Variants in ERICH3 observed in about 807,000 individuals in gnomAD.
The protein encoded by ERICH3 is glutamate rich 3, also known as glutamate-rich protein 3.
Under a neutral mutation model 131.1 loss-of-function variants are expected in ERICH3, and 126 were observed. The ratio of observed to expected loss-of-function variants is 0.96; its 90% CI spans 0.83 to 1.11. ERICH3 has a LOEUF of 1.11. ERICH3 is among the 50% of genes most tolerant of loss of function. The pLI is 0.00. For synonymous variants in ERICH3, 695 were observed against 644.6 expected, an observed-to-expected ratio of 1.08 and a Z score of -1.18; for missense variants, 2,050 against 1,810.7, an observed-to-expected ratio of 1.13 and a Z score of -2.40.
chr1:74,670,423 C>G (rs1646730395), intron 1 of ERICH3, among the ~76,000 whole-genome samples: 2 of 152,190 alleles, frequency 1.3e-5, no homozygotes, highest in African/African-American at 2.4e-5. Flanking sequence ...AATGCTACCT[C>G]TAGAAACTTC....
At chr1:74,665,122 C>T (rs528312793) in intron 1 of ERICH3, among the ~76,000 whole-genome samples, 7 of 151,986 alleles carry the variant, frequency 4.6e-5, no homozygotes, top group African/African-American at 1.7e-4. Flanking sequence ...AAAAAGAGAC[C>T]TCAGAAAGCT....
At chr1:74,580,015 A>G (rs1417063839) in intron 12 of ERICH3, 4 of 462,424 alleles carry the variant, frequency 8.7e-6, no homozygotes, top group Non-Finnish European at 1.1e-5. Context: ...ATAAAAACAA[A>G]TATATTTTAA....
chr1:74,632,542 A>T (rs1200758317), intron 6 of ERICH3, among the ~76,000 whole-genome samples: 1 of 151,802 alleles, frequency 6.6e-6, no homozygotes, highest in Non-Finnish European at 1.5e-5. Flanking sequence ...ATAAATGTGT[A>T]TAAGGATACA....
In ERICH3 at chr1:74,673,619, T is replaced by G; in HGVS notation, c.-100A>C. 1.4e-6 allele frequency: 2 copies of G among 1,393,204 alleles called. No homozygotes were observed. The highest frequency in any genetic ancestry group is 2.0e-6 in the Non-Finnish European group (2 of 1,012,800). 86.3% of individuals were successfully genotyped at this position (1,393,204 alleles called of 1,614,324 possible). ...GCGACAGTCGCGCTCGAGGGGTGGC[T>G]CCGCACCGAGGTCCCCTGTGCGCGG... On this transcript the variant is annotated 5_prime_UTR_variant, in exon 1 of 15. Transcript: ENST00000326665.
At chr1:74,614,688 A>T (rs1328281385) in intron 8 of ERICH3, among the ~76,000 whole-genome samples, 1 of 152,004 alleles carries the variant, frequency 6.6e-6, no homozygotes, top group Non-Finnish European at 1.5e-5. Context: ...AAAAAAAAAA[A>T]AAAACTCTAC....
At chr1:74,640,937 G>A (rs1434210096) in intron 5 of ERICH3, among the ~76,000 whole-genome samples, 1 of 152,096 alleles carries the variant, frequency 6.6e-6, no homozygotes, top group Non-Finnish European at 1.5e-5. Flanking sequence ...TTGCTACATT[G>A]AAGGGTGCTA....
intron 1 of ERICH3, among the ~76,000 whole-genome samples, chr1:74,664,500 T>C (rs759231964): frequency 1.3e-5 from 2 of 152,144 alleles, no homozygotes; most frequent in Non-Finnish European, 2.9e-5. Context: ...TTCACAAATA[T>C]AAAATATTAC....
chr1:74,636,290 A>C lies in ERICH3; in HGVS notation c.593T>G (p.Phe198Cys). The change falls in exon 6 of 15, where the codon TTT (phenylalanine) becomes TGT (cysteine). Residue 198 changes from phenylalanine to cysteine, a missense_variant. Physicochemically the swap from Phe to Cys is radical, Grantham distance 205 (BLOSUM62 -2). Transcript: ENST00000326665. ...AAAAATAACATTTACCCCAATGGGA[A>C]ACAGAGCTTCATTTTCCAGCAATGA... ...KTSLLENEAL[F>C]PIGGKKAVMK... 1 of 1,606,030 alleles carries C rather than the reference A, an allele frequency of 6.2e-7. No individual in the cohort carries two copies. Among genetic ancestry groups the C allele is most frequent in the African/African-American group, 1.3e-5 (1 of 74,832 alleles).
intron 1 of ERICH3, among the ~76,000 whole-genome samples, chr1:74,655,798 T>C (rs192691337): frequency 6.6e-4 from 101 of 152,288 alleles, no homozygotes; most frequent in African/African-American, 2.3e-3. Flanking sequence ...ACACTGAATG[T>C]GATGGTGATT....
At chr1:74,590,714 T>C (rs544302685) in intron 11 of ERICH3, among the ~76,000 whole-genome samples, 8 of 152,284 alleles carry the variant, frequency 5.3e-5, no homozygotes, top group African/African-American at 1.9e-4. Context: ...TGGTTCCTAA[T>C]AGGCCATGGA....
intron 1 of ERICH3, among the ~76,000 whole-genome samples, chr1:74,657,958 C>T (rs1646601730): frequency 6.6e-6 from 1 of 152,118 alleles, no homozygotes; most frequent in Non-Finnish European, 1.5e-5. Flanking sequence ...AGAATGGAAA[C>T]TTCTGGAAAC....
At chr1:74,673,235 T>G (rs756215687) in intron 1 of ERICH3, among the ~76,000 whole-genome samples, 9 of 152,156 alleles carry the variant, frequency 5.9e-5, no homozygotes, top group Non-Finnish European at 1.0e-4. Context: ...GTTTTTCACT[T>G]CCATTTTTTA....
intron 1 of ERICH3, among the ~76,000 whole-genome samples, chr1:74,659,532 C>G (rs1254133490): frequency 6.6e-6 from 1 of 152,154 alleles, no homozygotes; most frequent in Non-Finnish European, 1.5e-5. Flanking sequence ...ATGTGCCTGG[C>G]CTCGTACTAT....
At position 74,571,125 on chromosome 1, in the gene ERICH3, G is replaced by A; in HGVS notation, c.4585C>T (p.Gln1529Ter). Residue 1529 changes from glutamine (Q) to a stop codon, truncating the protein, a stop_gained, in exon 14 of 15, where the codon CAG becomes TAG. Transcript: ENST00000326665. LOFTEE classifies it low-confidence loss of function (END_TRUNC). ...GTCTGCCAGCAAGTCTCCTAGACCT[G>A]CACGTTGTTGGGGGAAACATCTGCA... ...ETADVSPNNV[Q>*]V 1 of 1,613,026 alleles carries A rather than the reference G, an allele frequency of 6.2e-7. No homozygotes were observed. The highest frequency in any genetic ancestry group is 1.1e-5 in the South Asian group (1 of 91,034).
At chr1:74,593,566 A>T (rs188206024) in intron 11 of ERICH3, among the ~76,000 whole-genome samples, 1 of 152,102 alleles carries the variant, frequency 6.6e-6, no homozygotes, top group South Asian at 2.1e-4. Context: ...TTCCTCTATG[A>T]CATCATACAT....
chr1:74,599,986 C>A, intron 10 of ERICH3, 55 bp from the exon 11 acceptor site: 5 of 1,270,004 alleles, frequency 3.9e-6, no homozygotes, highest in East Asian at 2.3e-5. Context: ...TTATACTTAA[C>A]CTATTTCTCT....
At chr1:74,596,625 C>A (rs1647864653) in intron 11 of ERICH3, among the ~76,000 whole-genome samples, 1 of 152,072 alleles carries the variant, frequency 6.6e-6, no homozygotes, top group South Asian at 2.1e-4. Flanking sequence ...TACTCATGGA[C>A]ACTATCATCC....
At chr1:74,658,106 AGTGG>A (rs1646602969) in intron 1 of ERICH3, among the ~76,000 whole-genome samples, 1 of 152,154 alleles carries the variant, frequency 6.6e-6, no homozygotes, top group African/African-American at 2.4e-5. Flanking sequence ...ACAGATGTAG[AGTGG>A]TTAGATAACT....
At position 74,569,112 on chromosome 1, in the gene ERICH3, A is replaced by G. The variant is rs1263448112; in HGVS notation, c.*1346T>C. ...TAGGGACCTTGAGTGTAATGTGGCCAGCATGGATTATATGATGATTTAGAA... is the reference window on the plus strand; with the variant it reads ...TAGGGACCTTGAGTGTAATGTGGCCGGCATGGATTATATGATGATTTAGAA... On this transcript the variant is annotated 3_prime_UTR_variant, in exon 15 of 15. Transcript: ENST00000326665. The G allele has an allele frequency of 1.3e-5, 2 of 152,350 alleles. No individual in the cohort carries two copies. Among genetic ancestry groups the G allele is most frequent in the African/African-American group, 4.8e-5 (2 of 41,584 alleles). 9.4% of individuals were successfully genotyped at this position (152,350 alleles called of 1,614,324 possible).
Sources: gnomAD v4.1 joint callset for allele counts (sites outside exome capture counted in the v4.1 genomes callset) on GRCh38, gnomAD v4.1.1 for gene constraint, MANE v1.5 for transcripts, NCBI Gene and HGNC (gene_info 2026-07-23, HGNC 2026-07-21) for gene names.